PRP4K: variants seen among roughly 807,000 people sequenced by gnomAD.
PRP4K encodes pre-mRNA processing factor kinase PRP4K.
At chr6:4,026,303 CT>C in the PRP4K span, among the ~76,000 whole-genome samples, 73,051 of 118,658 alleles carry the variant, frequency 0.62, 21,703 homozygotes, top group East Asian at 0.73. Context: ...TGTGCCCAGC[CT>C]TTTTTTTTTT....
chr6:4,041,013 A>T, the PRP4K span: 4 of 1,328,118 alleles, frequency 3.0e-6, no homozygotes, highest in Non-Finnish European at 4.1e-6. Context: ...ATATCCACCT[A>T]AATATTATAA....
chr6:4,046,746 C>T, the PRP4K span, among the ~76,000 whole-genome samples: 1 of 151,798 alleles, frequency 6.6e-6, no homozygotes, highest in African/African-American at 2.4e-5. Flanking sequence ...CTACCTCCCT[C>T]TCCCAGGTTC....
chr6:4,058,990 A>G, the PRP4K span: 1 of 520,148 alleles, frequency 1.9e-6, no homozygotes, highest in South Asian at 3.1e-5. Context: ...GGGATTTTAA[A>G]ATGTTTTTCT....
the PRP4K span, chr6:4,060,458 T>C: frequency 6.2e-7 from 1 of 1,613,920 alleles, no homozygotes; most frequent in Non-Finnish European, 8.5e-7. The surrounding 1 kb of genome is among the most constrained non-coding windows in gnomAD (Gnocchi z 4.7). Flanking sequence ...TAAGGACCTG[T>C]TGGCTGACTT....
chr6:4,053,542 G>A, the PRP4K span, among the ~76,000 whole-genome samples: 1 of 99,030 alleles, frequency 1.0e-5, no homozygotes, highest in Non-Finnish European at 2.1e-5. Context: ...TCTTCGACTA[G>A]TGACTTCTGG....
At chr6:4,043,287 A>G in the PRP4K span, among the ~76,000 whole-genome samples, 1 of 152,246 alleles carries the variant, frequency 6.6e-6, no homozygotes, top group African/African-American at 2.4e-5. Context: ...TTTCTGGGAC[A>G]CTGGTAAAAT....
the PRP4K span, among the ~76,000 whole-genome samples, chr6:4,036,396 A>AT: frequency 6.6e-6 from 1 of 152,024 alleles, no homozygotes; most frequent in African/African-American, 2.4e-5. Flanking sequence ...TAATTTTGAT[A>AT]TTTTTTGTAG....
chr6:4,064,178 T>C, the PRP4K span: 2 of 152,564 alleles, frequency 1.3e-5, no homozygotes, highest in Non-Finnish European at 2.9e-5. Flanking sequence ...CTCTACTGTC[T>C]CAAAATTTTG....
the PRP4K span, among the ~76,000 whole-genome samples, chr6:4,030,649 T>C: frequency 6.6e-6 from 1 of 152,178 alleles, no homozygotes; most frequent in African/African-American, 2.4e-5. Flanking sequence ...CCCCACTTTA[T>C]TTATTTATTT....
the PRP4K span, among the ~76,000 whole-genome samples, chr6:4,054,359 TGTA>T: frequency 3.3e-5 from 5 of 152,174 alleles, no homozygotes; most frequent in Non-Finnish European, 5.9e-5. Context: ...AGTAATGAGG[TGTA>T]TTCCATTTTT....
At chr6:4,022,619 T>G in the PRP4K span, among the ~76,000 whole-genome samples, 66 of 152,352 alleles carry the variant, frequency 4.3e-4, no homozygotes, top group African/African-American at 1.2e-3. Context: ...CATCCAGTTT[T>G]GGGCTCCTCA....
chr6:4,044,751 A>G, the PRP4K span, among the ~76,000 whole-genome samples: 1 of 152,094 alleles, frequency 6.6e-6, no homozygotes, highest in Non-Finnish European at 1.5e-5. Context: ...TAGATAGTAA[A>G]TGGTTGAGCC....
At chr6:4,058,707 A>G in the PRP4K span, 2 of 1,594,088 alleles carry the variant, frequency 1.3e-6, no homozygotes, top group Admixed American at 3.4e-5. Flanking sequence ...TCAAAACCCA[A>G]GTTTTTGTTT....
chr6:4,032,480 A>G, the PRP4K span: 2 of 1,614,176 alleles, frequency 1.2e-6, no homozygotes, highest in Non-Finnish European at 1.7e-6. Flanking sequence ...AAACTGATAA[A>G]GAAAAGAAGC....
At chr6:4,031,491 ATTTTC>A in the PRP4K span, 20 of 1,245,158 alleles carry the variant, frequency 1.6e-5, no homozygotes, top group Non-Finnish European at 2.2e-5. Flanking sequence ...CATTACTGTT[ATTTTC>A]TTATGGCTCT....
At chr6:4,063,973 T>G in the PRP4K span, 1 of 152,180 alleles carries the variant, frequency 6.6e-6, no homozygotes, top group African/African-American at 2.4e-5. Flanking sequence ...TACAGTTTTT[T>G]CTAGGGTTGG....
At chr6:4,056,588 A>G in the PRP4K span, 1 of 1,593,150 alleles carries the variant, frequency 6.3e-7, no homozygotes, top group Non-Finnish European at 8.5e-7. Flanking sequence ...CTCAGGTGGA[A>G]TGAAGGTAGT....
the PRP4K span, chr6:4,032,750 T>A: frequency 6.4e-7 from 1 of 1,566,032 alleles, no homozygotes; most frequent in Non-Finnish European, 8.6e-7. Flanking sequence ...GACTTTCTTC[T>A]CCAAGGTAAC....
the PRP4K span, among the ~76,000 whole-genome samples, chr6:4,047,901 TACACACACACACACACACACAC>T: frequency 2.1e-3 from 292 of 142,112 alleles, no homozygotes; most frequent in African/African-American, 7.0e-3. Flanking sequence ...CATGTATATG[TACACACACACACACACACACAC>T]ACACACACAC....
Sources: allele counts gnomAD v4.1 joint callset (sites outside exome capture counted in the v4.1 genomes callset), GRCh38; gene constraint gnomAD v4.1.1; non-coding constraint Gnocchi (gnomAD v3.1); transcripts MANE v1.5; gene names NCBI Gene and HGNC (gene_info 2026-07-23, HGNC 2026-07-21).